RBFOX1: variants seen among roughly 807,000 people sequenced by gnomAD.
The protein encoded by RBFOX1 is RNA binding protein fox-1 homolog 1.
Under a neutral mutation model 57.7 loss-of-function variants are expected in RBFOX1, and 8 were observed. That is an observed-to-expected ratio of 0.14 (90% CI 0.08 to 0.25). RBFOX1 has a LOEUF of 0.25. Ranked by LOEUF, RBFOX1 falls within the 10% of genes least tolerant of loss-of-function variation. The probability of loss-of-function intolerance (pLI) is 1.00; values close to 1 mark genes in which losing one functional copy is unlikely to be tolerated. For synonymous variants in RBFOX1, 326 were observed against 222.4 expected (o/e 1.47, Z -4.15); for missense variants, 611 against 548.5 (o/e 1.11, Z -1.14).
intron 1 of RBFOX1, among the ~76,000 whole-genome samples, chr16:6,249,629 G>T (rs1392534138): frequency 6.6e-6 from 1 of 152,126 alleles, no homozygotes; most frequent in East Asian, 1.9e-4. Flanking sequence ...GCAGGGAGTG[G>T]CCCCTGTGGA....
chr16:6,949,610 ATCTCTT>A (rs2080277852), intron 3 of RBFOX1, among the ~76,000 whole-genome samples: 1 of 151,866 alleles, frequency 6.6e-6, no homozygotes, highest in Non-Finnish European at 1.5e-5. Context: ...CATCTTGGAT[ATCTCTT>A]TCTCTTTTTC....
At position 7,010,684 on chromosome 16, in the gene RBFOX1, C is replaced by T. The variant is rs542056819; in HGVS notation, c.-15-41373C>T. On this transcript the variant is annotated intron_variant, in intron 3 of 15. Coordinates refer to ENST00000550418, the MANE Select transcript of RBFOX1 (RefSeq NM_018723.4). ...GTTCAAGAGATTCTCCTGCCTCAGC[C>T]TACCAAGTAGCTGGGATTACACTTG... Among the ~76,000 whole-genome samples, 4 of 152,288 alleles carry T rather than the reference C, an allele frequency of 2.6e-5. No homozygotes were observed. In the East Asian group the frequency reaches 7.7e-4, roughly 29 times the overall value.
At chr16:5,969,325 G>GTTTTTTTTTTTTT (rs1392384342) in intron 4 of RBFOX1, among the ~76,000 whole-genome samples, 5 of 120,672 alleles carry the variant, frequency 4.1e-5, no homozygotes, top group Non-Finnish European at 8.2e-5. Context: ...TTTTTTTTTG[G>GTTTTTTTTTTTTT]TTTGGAAATG....
intron 3 of RBFOX1, among the ~76,000 whole-genome samples, chr16:6,698,741 T>A (rs7197818): frequency 0.16 from 24,558 of 152,106 alleles, 2,142 homozygotes; most frequent in Middle Eastern, 0.22. Flanking sequence ...ATCCCACATC[T>A]TTGTTCTGCC....
At chr16:6,876,789 C>CAT (rs2061932521) in intron 3 of RBFOX1, among the ~76,000 whole-genome samples, 1 of 152,048 alleles carries the variant, frequency 6.6e-6, no homozygotes, top group Non-Finnish European at 1.5e-5. Context: ...TACAAGAAAA[C>CAT]ATGAAATAAC....
chr16:6,518,798 T>C (rs1176230368), intron 2 of RBFOX1, among the ~76,000 whole-genome samples: 1 of 53,432 alleles, frequency 1.9e-5, no homozygotes, highest in East Asian at 5.0e-4. Context: ...TGTGTGTCTG[T>C]CTATCTATCT....
chr16:7,070,896 G>A (rs772615618), intron 4 of RBFOX1, among the ~76,000 whole-genome samples: 4 of 152,142 alleles, frequency 2.6e-5, no homozygotes, highest in Non-Finnish European at 5.9e-5. Context: ...TGTGGTTGTT[G>A]GGTAGGTGAA....
intron 2 of RBFOX1, among the ~76,000 whole-genome samples, chr16:5,504,600 G>A (rs555617185): frequency 5.9e-5 from 9 of 152,346 alleles, no homozygotes; most frequent in Non-Finnish European, 8.8e-5. Flanking sequence ...GGGAGGGCCC[G>A]GTTTGGCTCC....
At chr16:5,780,758 G>C (rs1016593014) in intron 3 of RBFOX1, among the ~76,000 whole-genome samples, 1 of 152,212 alleles carries the variant, frequency 6.6e-6, no homozygotes, top group Non-Finnish European at 1.5e-5. Flanking sequence ...TGTACAGGCA[G>C]CTCCCGAGAG....
intron 3 of RBFOX1, among the ~76,000 whole-genome samples, chr16:6,843,668 G>A (rs570488633): frequency 6.6e-6 from 1 of 152,298 alleles, no homozygotes; most frequent in South Asian, 2.1e-4. Context: ...CAGCCTGGGT[G>A]ACAGAGCGAG....
intron 1 of RBFOX1, among the ~76,000 whole-genome samples, chr16:6,217,310 T>C (rs2097342231): frequency 6.6e-6 from 1 of 152,026 alleles, no homozygotes; most frequent in Admixed American, 6.6e-5. Context: ...ATTTCCTTTA[T>C]TGGAGCATGC....
intron 4 of RBFOX1, among the ~76,000 whole-genome samples, chr16:7,078,023 C>T (rs977264706): frequency 6.6e-6 from 1 of 152,186 alleles, no homozygotes; most frequent in African/African-American, 2.4e-5. Flanking sequence ...TTACCTCCAT[C>T]ACTGCTAAGA....
At chr16:7,441,882 T>A (rs1293151242) in intron 4 of RBFOX1, among the ~76,000 whole-genome samples, 1 of 152,190 alleles carries the variant, frequency 6.6e-6, no homozygotes, top group African/African-American at 2.4e-5. Flanking sequence ...CGTAGTGCTC[T>A]CCTCCCACCC....
intron 4 of RBFOX1, among the ~76,000 whole-genome samples, chr16:7,377,835 A>G (rs548488502): frequency 2.7e-3 from 417 of 152,330 alleles, no homozygotes; most frequent in Non-Finnish European, 4.2e-3. Flanking sequence ...GAGAGTAACA[A>G]GCACAGTGAA....
At chr16:6,639,777 G>T (rs573697787) in intron 2 of RBFOX1, among the ~76,000 whole-genome samples, 66 of 152,264 alleles carry the variant, frequency 4.3e-4, no homozygotes, top group African/African-American at 1.5e-3. Flanking sequence ...TACTCGGGAG[G>T]CTGAGGCAGG....
intron 1 of RBFOX1, among the ~76,000 whole-genome samples, chr16:6,089,152 A>G (rs1031539582): frequency 7.9e-5 from 12 of 152,066 alleles, no homozygotes; most frequent in African/African-American, 2.9e-4. Flanking sequence ...CCACCAAGTG[A>G]TCATTTATAA....
At chr16:5,717,982 T>C (rs1396903478) in intron 3 of RBFOX1, among the ~76,000 whole-genome samples, 6 of 152,106 alleles carry the variant, frequency 3.9e-5, no homozygotes, top group East Asian at 1.9e-4. Context: ...GACAATGTTA[T>C]GCATCTACAC....
intron 3 of RBFOX1, among the ~76,000 whole-genome samples, chr16:5,825,270 C>T (rs749492262): frequency 6.6e-6 from 1 of 152,220 alleles, no homozygotes; most frequent in African/African-American, 2.4e-5. Flanking sequence ...ATGAGCAGTA[C>T]CAGGAACCCC....
chr16:6,606,859 T>G (rs1407088991), intron 2 of RBFOX1, among the ~76,000 whole-genome samples: 8 of 152,174 alleles, frequency 5.3e-5, no homozygotes. Context: ...TTGTATTCCT[T>G]TGGGTATATA....
Sources: allele counts gnomAD v4.1 joint callset (sites outside exome capture counted in the v4.1 genomes callset), GRCh38; gene constraint gnomAD v4.1.1; transcripts MANE v1.5; gene names NCBI Gene and HGNC (gene_info 2026-07-23, HGNC 2026-07-21).